The following RCC1L variants were observed in gnomAD, a reference collection of about 807,000 sequenced individuals.
RCC1L encodes the protein RCC1 like.
RCC1L carries 46 observed loss-of-function variants against 58.6 expected under a neutral mutation model. The ratio of observed to expected loss-of-function variants is 0.79; its 90% CI spans 0.62 to 1.00. The LOEUF is 1.00. Ranked by LOEUF, RCC1L falls within the 50% of genes least tolerant of loss-of-function variation. The pLI is 0.00. For missense variants in RCC1L, 636 were observed against 623.6 expected, an observed-to-expected ratio of 1.02 and a Z score of -0.21; for synonymous variants, 281 against 262.9, an observed-to-expected ratio of 1.07 and a Z score of -0.67.
At chr7:75,069,828 G>C (rs587639743) in intron 2 of RCC1L, among the ~76,000 whole-genome samples, 1 of 151,426 alleles carries the variant, frequency 6.6e-6, no homozygotes, top group Non-Finnish European at 1.5e-5. Flanking sequence ...GCTTCCCAAA[G>C]TGCTGGGATT....
chr7:75,050,458 T>C (rs1469512461), intron 10 of RCC1L, among the ~76,000 whole-genome samples: 1 of 152,128 alleles, frequency 6.6e-6, no homozygotes, highest in Non-Finnish European at 1.5e-5. Flanking sequence ...AGGGGCAACG[T>C]GACCTGAGTC....
intron 8 of RCC1L, among the ~76,000 whole-genome samples, chr7:75,056,336 T>C (rs1249117403): frequency 1.3e-5 from 2 of 152,170 alleles, no homozygotes; most frequent in African/African-American, 4.8e-5. Context: ...TTCCCACATC[T>C]TGAGGGTTAG....
intron 1 of RCC1L, 69 bp from the exon 2 acceptor site, chr7:75,070,838 G>A: frequency 6.3e-7 from 1 of 1,582,000 alleles, no homozygotes; most frequent in Non-Finnish European, 8.6e-7. Context: ...TAAATGACAG[G>A]TTATTTATCA....
intron 10 of RCC1L, among the ~76,000 whole-genome samples, chr7:75,052,348 G>A (rs1337484342): frequency 6.6e-6 from 1 of 152,060 alleles, no homozygotes; most frequent in African/African-American, 2.4e-5. Flanking sequence ...CTGTTTCCCC[G>A]ATCCACCCCA....
intron 10 of RCC1L, among the ~76,000 whole-genome samples, chr7:75,050,247 A>C (rs1805862260): frequency 6.6e-6 from 1 of 152,214 alleles, no homozygotes; most frequent in Admixed American, 6.6e-5. Context: ...ATGCCACTGC[A>C]CTCAAGCCTG....
Position 75,043,055 on chromosome 7 carries a change from T to G in RCC1L, c.1372A>C (p.Thr458Pro). Residue 458 changes from threonine to proline, a missense_variant, in exon 11 of 11, where the codon ACC becomes CCC. By Grantham distance (38) the Thr-to-Pro change is conservative. Transcript: ENST00000610322. ...GTTTAGATGAATGACTTGGCCAGGGTCACCATGTGGTCCACGCCACATGCC... is the reference window on the plus strand; with the variant it reads ...GTTTAGATGAATGACTTGGCCAGGGGCACCATGTGGTCCACGCCACATGCC... Reference protein sequence around the residue: ...DVACGVDHMVTLAKSFI With the variant: ...DVACGVDHMVPLAKSFI The G allele has an allele frequency of 6.2e-7, 1 of 1,613,994 alleles. No homozygotes were observed. Among genetic ancestry groups the G allele is most frequent in the Non-Finnish European group, 8.5e-7 (1 of 1,179,860 alleles).
intron 1 of RCC1L, among the ~76,000 whole-genome samples, chr7:75,072,898 CCACTG>C: frequency 6.6e-6 from 1 of 152,280 alleles, no homozygotes; most frequent in South Asian, 2.1e-4. Context: ...TATGATGACA[CCACTG>C]CACTCCAGCC....
At chr7:75,064,315 C>A (rs1179744542) in intron 4 of RCC1L, among the ~76,000 whole-genome samples, 1 of 133,166 alleles carries the variant, frequency 7.5e-6, no homozygotes, top group Non-Finnish European at 1.6e-5. Context: ...GGCGACAGAG[C>A]AAGAGTCCAT....
In RCC1L at chr7:75,058,018, C is replaced by T. The variant is rs1212796024; in HGVS notation, c.970-402G>A. 2.0e-5 allele frequency: 6 copies of T among 298,274 alleles called. No homozygotes were observed. In the Admixed American group the frequency reaches 2.3e-4, roughly 11 times the overall value. The allele number at this position is 298,274 out of a possible 1,614,324, so 18.5% of individuals were successfully genotyped here. A position where few individuals can be genotyped will look rare whatever the true frequency, so the allele number is the denominator to read the frequency against. On this transcript the variant is annotated intron_variant, in intron 7 of 10. Transcript: ENST00000610322. ...ATTAAAAATACAAAAGTTAGCTGGG[C>T]GTGGTGGCAAGTGCCTGTAGTCCCA...
chr7:75,053,453 G>C (rs1307897441), intron 9 of RCC1L, among the ~76,000 whole-genome samples: 1 of 152,198 alleles, frequency 6.6e-6, no homozygotes, highest in Non-Finnish European at 1.5e-5. Flanking sequence ...TTCCTGGATT[G>C]ATTGTCCATA....
chr7:75,066,506 G>T (rs946767191), intron 3 of RCC1L, among the ~76,000 whole-genome samples, 158 bp downstream of exon 3: 7 of 152,144 alleles, frequency 4.6e-5, no homozygotes, highest in African/African-American at 1.7e-4. Context: ...GGTTTGTCCA[G>T]CTGTCTTGAG....
chr7:75,065,699 T>C (rs1407737449), intron 3 of RCC1L, among the ~76,000 whole-genome samples: 2 of 152,052 alleles, frequency 1.3e-5, no homozygotes, highest in Admixed American at 6.6e-5. Flanking sequence ...TGTTAGCAAA[T>C]AGGCTTCTTT....
intron 10 of RCC1L, among the ~76,000 whole-genome samples, chr7:75,049,273 T>A (rs1182848853): frequency 1.3e-5 from 2 of 151,074 alleles, no homozygotes; most frequent in African/African-American, 4.9e-5. Context: ...GAGGCCAAGG[T>A]GGGAAGACCA....
chr7:75,064,767 G>T, intron 3 of RCC1L, 119 bp from the exon 4 acceptor site: 2 of 1,140,504 alleles, frequency 1.8e-6, no homozygotes, highest in Non-Finnish European at 2.7e-6. Flanking sequence ...CCCCCCAACT[G>T]CCCCTGGGTT....
intron 3 of RCC1L, 120 bp from the exon 4 acceptor site, chr7:75,064,768 C>T (rs1411634503): frequency 8.8e-7 from 1 of 1,135,982 alleles, no homozygotes; most frequent in Non-Finnish European, 1.3e-6. Context: ...CCCCCAACTG[C>T]CCCTGGGTTT....
intron 9 of RCC1L, among the ~76,000 whole-genome samples, chr7:75,055,079 C>A (rs1489966819): frequency 1.3e-5 from 2 of 152,232 alleles, no homozygotes; most frequent in African/African-American, 4.8e-5. Flanking sequence ...CCAAAGATGA[C>A]ACCAACTGAC....
rs1021996101 is a variant in RCC1L at position 75,034,242 on chromosome 7, G to A, written c.1318-6163C>T. ...GAAAGAAAGGTGATTGCAGCTGGGC[G>A]TGGTGGCTTACACCTGTGGTCCTAG... is the stretch of plus-strand genomic sequence containing the variant. On this transcript the variant is annotated intron_variant, in intron 10 of 10. Coordinates refer to the RCC1L transcript ENST00000614461. Among the ~76,000 whole-genome samples, 57 of 152,310 alleles carry A rather than the reference G, an allele frequency of 3.7e-4. 1 individual carries two copies. Among genetic ancestry groups the A allele is most frequent in the African/African-American group, 1.3e-3 (54 of 41,562 alleles).
chr7:75,033,347 G>C (rs1019919090), intron 10 of RCC1L, among the ~76,000 whole-genome samples: 83 of 152,192 alleles, frequency 5.5e-4, no homozygotes, highest in Non-Finnish European at 6.9e-4. Context: ...GTTAGACTTA[G>C]ACAAGAAACA....
rs1806174107 is a variant in RCC1L at position 75,058,846 on chromosome 7, G to C, written c.788-77C>G. 2.5e-6 allele frequency: 4 copies of C among 1,576,226 alleles called. No homozygotes were observed. The Admixed American group carries it at 6.8e-5, about 27-fold the overall frequency. On this transcript the variant is annotated intron_variant, in intron 6 of 10. Coordinates refer to ENST00000610322, the MANE Select transcript of RCC1L (RefSeq NM_030798.5). Reference sequence around the variant, plus strand: ...CATAGGCAGACTTACTATATGCCAAGTGCAGTTTTAAGCACTTAACAAGTA... The same window carrying C: ...CATAGGCAGACTTACTATATGCCAACTGCAGTTTTAAGCACTTAACAAGTA...
Sources: gnomAD v4.1 joint callset for allele counts (sites outside exome capture counted in the v4.1 genomes callset) on GRCh38, gnomAD v4.1.1 for gene constraint, MANE v1.5 for transcripts, NCBI Gene and HGNC (gene_info 2026-07-23, HGNC 2026-07-21) for gene names.